Variants in RNF43 observed in about 807,000 individuals in gnomAD.
RNF43 encodes the protein E3 ubiquitin-protein ligase RNF43.
In RNF43, 37 loss-of-function variants were observed where a neutral mutation model predicts 78.4. That is an observed-to-expected ratio of 0.47 (90% CI 0.36 to 0.62). The LOEUF is 0.62. Among genes scored for constraint, RNF43 ranks in the 20% least tolerant of loss-of-function variants. The pLI, the probability that RNF43 is intolerant of heterozygous loss-of-function variation, is 0.00. For missense variants in RNF43, 774 were observed against 1,007.9 expected, an observed-to-expected ratio of 0.77 and a Z score of 3.14; for synonymous variants, 347 against 395.0, an observed-to-expected ratio of 0.88 and a Z score of 1.44.
chr17:58,412,705 G>A (rs1272579786), intron 2 of RNF43, among the ~76,000 whole-genome samples: 1 of 151,860 alleles, frequency 6.6e-6, no homozygotes, highest in Non-Finnish European at 1.5e-5. Flanking sequence ...TAATACAAAT[G>A]AAAATTCAGT....
chr17:58,405,809 C>A (rs1264041642), intron 2 of RNF43, among the ~76,000 whole-genome samples: 2 of 152,166 alleles, frequency 1.3e-5, no homozygotes, highest in African/African-American at 4.8e-5. Context: ...TTTATGCCTA[C>A]ACCTACATCT....
Position 58,357,732 on chromosome 17 carries a change from G to A in RNF43, c.2044C>T (p.Pro682Ser), listed in dbSNP as rs1304658474. 6.2e-7 allele frequency: 1 copy of A among 1,611,782 alleles called. No homozygotes were observed. The highest frequency in any genetic ancestry group is 1.3e-5 in the African/African-American group (1 of 74,854). Residue 682 changes from proline to serine, a missense_variant, in exon 9 of 10, where the codon CCC (proline) becomes TCC (serine). Transcript: ENST00000407977. The surrounding 1 kb of genome is among the most constrained non-coding windows in gnomAD (Gnocchi z 4.5). ...TATGCCACACTGGGGGTGTAATGGG[G>A]AAAAATCTGGCAAGCTGGGTGCACA... Reference protein sequence around the residue: ...ATVHPACQIFPHYTPSVAYPW... With the variant: ...ATVHPACQIFSHYTPSVAYPW...
chr17:58,358,013 TGGGGCTGTGTCCGAGGAATAG>T lies in RNF43; in HGVS notation c.1742_1762del (p.Pro581_Pro587del). The T allele has an allele frequency of 6.3e-7, 1 of 1,597,252 alleles. No homozygotes were observed. The highest frequency in any genetic ancestry group is 1.1e-5 in the South Asian group (1 of 88,412). Reference sequence around the variant, plus strand: ...CTGATCAGGAGAAGGTGGCTCTGGCTGGGGCTGTGTCCGAGGAATAGGAGGCCTGGACTGGGGGACTCCGGT... The same window carrying T: ...CTGATCAGGAGAAGGTGGCTCTGGCTGAGGCCTGGACTGGGGGACTCCGGT... On this transcript the variant is annotated inframe_deletion, in exon 9 of 10. Coordinates refer to ENST00000407977, the MANE Select transcript of RNF43 (RefSeq NM_017763.6). The surrounding 1 kb of genome is among the most constrained non-coding windows in gnomAD (Gnocchi z 6.2).
chr17:58,383,759 A>G (rs1973374253), intron 2 of RNF43, among the ~76,000 whole-genome samples: 2 of 152,178 alleles, frequency 1.3e-5, no homozygotes, highest in Admixed American at 6.5e-5. Context: ...CTGGGATTAC[A>G]GGCATGTGCC....
intron 2 of RNF43, among the ~76,000 whole-genome samples, chr17:58,388,797 G>T (rs1195523388): frequency 6.6e-6 from 1 of 152,134 alleles, no homozygotes; most frequent in Admixed American, 6.5e-5. Flanking sequence ...TCTGTCAAAT[G>T]GATTTTTCAA....
intron 2 of RNF43, among the ~76,000 whole-genome samples, chr17:58,380,308 A>G (rs1379996319): frequency 1.3e-5 from 2 of 152,198 alleles, no homozygotes; most frequent in Non-Finnish European, 2.9e-5. Flanking sequence ...CACAGATGGC[A>G]AGTATTGCTA....
At chr17:58,363,935 C>T (rs1166735938) in intron 3 of RNF43, among the ~76,000 whole-genome samples, 1 of 152,174 alleles carries the variant, frequency 6.6e-6, no homozygotes, top group South Asian at 2.1e-4. Flanking sequence ...CCTCAGGGTA[C>T]AATCAGCCTG....
At chr17:58,359,959 A>G (rs1268875273) in intron 8 of RNF43, among the ~76,000 whole-genome samples, 190 bp downstream of exon 8, 1 of 152,150 alleles carries the variant, frequency 6.6e-6, no homozygotes, top group East Asian at 1.9e-4. Context: ...AAAATAAATA[A>G]ATAAAGATAT....
chr17:58,370,894 G>A lies in RNF43; in HGVS notation c.375+17C>T, dbSNP rs183733129. The A allele has an allele frequency of 2.2e-5, 34 of 1,579,852 alleles. No individual in the cohort carries two copies. The Admixed American group carries it at 5.2e-4, about 24-fold the overall frequency. On this transcript the variant is annotated intron_variant, in intron 3 of 9. Coordinates refer to ENST00000407977, the MANE Select transcript of RNF43 (RefSeq NM_017763.6). ...GGGTGAAGCTCCGGGTGTGTGTAGG[G>A]CGAAGTGTGAGTCTACCTTGCTAGC... is the stretch of plus-strand genomic sequence containing the variant.
At chr17:58,397,172 A>T (rs1973700483) in intron 2 of RNF43, among the ~76,000 whole-genome samples, 1 of 152,220 alleles carries the variant, frequency 6.6e-6, no homozygotes, top group Non-Finnish European at 1.5e-5. Flanking sequence ...TTATTACAGG[A>T]TATTCATTTA....
intron 2 of RNF43, among the ~76,000 whole-genome samples, chr17:58,390,752 C>A (rs1223746576): frequency 3.9e-5 from 6 of 152,046 alleles, no homozygotes; most frequent in Non-Finnish European, 8.8e-5. Context: ...CTAGAATACT[C>A]AATATTGCTT....
rs576926594 is a variant in RNF43, at chr17:58,370,835, A to G, written c.375+76T>C. ...CATCACTCTTAGGAAACATGGGGAC[A>G]AGAGAGCACAGGGTCTTCTCACAGC... is the stretch of plus-strand genomic sequence containing the variant. On this transcript the variant is annotated intron_variant, in intron 3 of 9. Transcript: ENST00000407977. 6.4e-6 allele frequency: 9 copies of G among 1,408,834 alleles called. No homozygotes were observed. The South Asian group carries it at 1.4e-4, about 21-fold the overall frequency. The allele number at this position is 1,408,834 out of a possible 1,614,324, so 87.3% of individuals were successfully genotyped here. A position where few individuals can be genotyped will look rare whatever the true frequency, so the allele number is the denominator to read the frequency against.
intron 3 of RNF43, among the ~76,000 whole-genome samples, chr17:58,364,482 G>A (rs1432862191): frequency 2.0e-5 from 3 of 152,162 alleles, no homozygotes; most frequent in Non-Finnish European, 2.9e-5. Context: ...TGTGTAGGGA[G>A]GGGAGTAAGG....
At chr17:58,386,583 C>T (rs903797912) in intron 2 of RNF43, among the ~76,000 whole-genome samples, 4 of 152,202 alleles carry the variant, frequency 2.6e-5, no homozygotes, top group African/African-American at 9.6e-5. Context: ...TTCATCCCCA[C>T]CTCTTCAATG....
chr17:58,363,744 G>A, intron 3 of RNF43, 144 bp from the exon 4 acceptor site: 1 of 657,610 alleles, frequency 1.5e-6, no homozygotes, highest in Non-Finnish European at 2.6e-6. Context: ...ACCTATGCAA[G>A]GGGTCACTGG....
intron 2 of RNF43, among the ~76,000 whole-genome samples, chr17:58,398,584 A>G (rs150736734): frequency 1.4e-3 from 215 of 152,356 alleles, no homozygotes; most frequent in African/African-American, 4.8e-3. Flanking sequence ...GCCAAACTGG[A>G]ACAACAGGGT....
chr17:58,361,855 T>G (rs1412050830), intron 6 of RNF43, among the ~76,000 whole-genome samples: 2 of 152,142 alleles, frequency 1.3e-5, no homozygotes, highest in African/African-American at 4.8e-5. Context: ...GATCACTCCC[T>G]CTCCCATTTA....
chr17:58,391,844 G>C (rs1239410731), intron 2 of RNF43, among the ~76,000 whole-genome samples: 1 of 152,180 alleles, frequency 6.6e-6, no homozygotes, highest in Admixed American at 6.6e-5. Flanking sequence ...GCATGAATTA[G>C]GTGCTGGGGA....
chr17:58,358,898 G>T lies in RNF43; in HGVS notation c.953-75C>A. ...AGAATGCATTCAGAAAGACATGGCT[G>T]TAGCTAATCTATTTGACCCTGAGTA... On this transcript the variant is annotated intron_variant, in intron 8 of 9. Coordinates refer to ENST00000407977, the MANE Select transcript of RNF43 (RefSeq NM_017763.6). The surrounding 1 kb of genome is among the most constrained non-coding windows in gnomAD (Gnocchi z 6.2). 1 of 1,384,674 alleles carries T rather than the reference G, an allele frequency of 7.2e-7. No individual in the cohort carries two copies. Among genetic ancestry groups the T allele is most frequent in the Non-Finnish European group, 9.5e-7 (1 of 1,056,712 alleles). 85.8% of individuals were successfully genotyped at this position (1,384,674 alleles called of 1,614,324 possible).
Sources: gnomAD v4.1 joint callset for allele counts (sites outside exome capture counted in the v4.1 genomes callset) on GRCh38, gnomAD v4.1.1 for gene constraint, Gnocchi (gnomAD v3.1) non-coding constraint, MANE v1.5 for transcripts, NCBI Gene and HGNC (gene_info 2026-07-23, HGNC 2026-07-21) for gene names.